Variants in BTN3A2 observed in about 807,000 individuals in gnomAD.
BTN3A2 encodes the protein butyrophilin subfamily 3 member A2.
Under a neutral mutation model 37.6 loss-of-function variants are expected in BTN3A2, and 25 were observed. The ratio of observed to expected loss-of-function variants is 0.66; its 90% CI spans 0.48 to 0.93. BTN3A2 has a LOEUF of 0.93. Ranked by LOEUF, BTN3A2 falls within the 40% of genes least tolerant of loss-of-function variation. The probability of loss-of-function intolerance (pLI) is 0.00; values close to 1 mark genes in which losing one functional copy is unlikely to be tolerated. For synonymous variants in BTN3A2, 122 were observed against 159.4 expected, an observed-to-expected ratio of 0.77 and a Z score of 1.77; for missense variants, 266 against 410.9, an observed-to-expected ratio of 0.65 and a Z score of 3.05.
chr6:26,369,628 G>A (rs1303434468), intron 4 of BTN3A2, among the ~76,000 whole-genome samples: 3 of 152,186 alleles, frequency 2.0e-5, no homozygotes, highest in Non-Finnish European at 4.4e-5. Context: ...TGTAATTGAT[G>A]AAGGGGCAGC....
At position 26,373,115 on chromosome 6, in the gene BTN3A2, A is replaced by G. The variant is rs375000542; in HGVS notation, c.916+18A>G. On this transcript the variant is annotated intron_variant, in intron 6 of 10. Coordinates refer to ENST00000377708, the MANE Select transcript of BTN3A2 (RefSeq NM_007047.5). The stretch of plus-strand genomic sequence containing the variant: ...CCTAAGAGGTATCCAACGCAAGCAG[A>G]GAATCTAAGCTCTTGGCTTGCATGC... The G allele has an allele frequency of 4.3e-6, 7 of 1,612,348 alleles. No homozygotes were observed. The highest frequency in any genetic ancestry group is 5.9e-6 in the Non-Finnish European group (7 of 1,179,970).
Position 26,373,419 on chromosome 6 carries a change from T to G in BTN3A2, c.964+6T>G. On this transcript the variant is annotated splice_donor_region_variant and intron_variant, in intron 8 of 10. Transcript: ENST00000377708. ...AAAAATCCAGTACTTGACTCGTGAG[T>G]GGCTTTGACATTTTCTCTGAATTCA... The G allele has an allele frequency of 6.2e-7, 1 of 1,600,016 alleles. No individual in the cohort carries two copies. Among genetic ancestry groups the G allele is most frequent in the Non-Finnish European group, 8.5e-7 (1 of 1,176,308 alleles).
At chr6:26,373,142 C>T (rs1760290937) in intron 6 of BTN3A2, 45 bp downstream of exon 6, 2 of 1,609,198 alleles carry the variant, frequency 1.2e-6, no homozygotes, top group African/African-American at 1.3e-5. Flanking sequence ...CTTGCATGCC[C>T]CAGCCTGAAA....
At position 26,374,401 on chromosome 6, in the gene BTN3A2, A is replaced by G. The variant is rs372501672; in HGVS notation, c.*6+28A>G. 7 of 1,605,014 alleles carry G rather than the reference A, an allele frequency of 4.4e-6. No individual in the cohort carries two copies. The African/African-American group carries it at 9.4e-5, about 21-fold the overall frequency. ...AAGTTTGCTGGGTCACATGCCCTGA[A>G]TATTTCAACTTTTTCTCCACTGTGA... On this transcript the variant is annotated intron_variant, in intron 9 of 10. Transcript: ENST00000377708.
intron 5 of BTN3A2, among the ~76,000 whole-genome samples, chr6:26,371,700 A>G (rs145400432): frequency 0.032 from 4,855 of 151,208 alleles, 78 homozygotes; most frequent in South Asian, 0.044. Flanking sequence ...TTTTTTTTAG[A>G]CAAAGTCTCA....
intron 5 of BTN3A2, 136 bp from the exon 6 acceptor site, chr6:26,372,761 G>T (rs1348696821): frequency 2.4e-5 from 25 of 1,021,358 alleles, no homozygotes; most frequent in Non-Finnish European, 3.5e-5. Flanking sequence ...GAGACTTTAG[G>T]GAGAGAATCC....
At chr6:26,375,673 C>T in intron 10 of BTN3A2, 124 bp from the exon 11 acceptor site, 2 of 1,517,484 alleles carry the variant, frequency 1.3e-6, no homozygotes, top group East Asian at 2.5e-5. Flanking sequence ...GAGCCCAGCA[C>T]AGAGACGGCC....
At chr6:26,365,392 A>T in intron 1 of BTN3A2, 40 bp downstream of exon 1, 1 of 1,534,380 alleles carries the variant, frequency 6.5e-7, no homozygotes, top group Non-Finnish European at 8.7e-7. Context: ...GCTACAACGC[A>T]TGGGAGGAGC....
chr6:26,366,989 G>A (rs527793332), intron 1 of BTN3A2, among the ~76,000 whole-genome samples: 1 of 152,304 alleles, frequency 6.6e-6, no homozygotes, highest in South Asian at 2.1e-4. Flanking sequence ...AAAGGCCAAA[G>A]CGTCCTTTCA....
intron 9 of BTN3A2, 63 bp downstream of exon 9, chr6:26,374,436 G>T: frequency 6.8e-7 from 1 of 1,471,960 alleles, no homozygotes; most frequent in Non-Finnish European, 9.5e-7. Context: ...ACCCGTGGAT[G>T]TTCTCAGCTG....
Position 26,376,821 on chromosome 6 carries a change from G to C in BTN3A2, c.*1059G>C. ...GAACGTGGAGAGGAAAAAAGTTTGG[G>C]TCAAAATGACACCGGAGAACGGATA... On this transcript the variant is annotated 3_prime_UTR_variant, in exon 11 of 11. Coordinates refer to ENST00000377708, the MANE Select transcript of BTN3A2 (RefSeq NM_007047.5). The C allele has an allele frequency of 6.2e-7, 1 of 1,613,988 alleles. No individual in the cohort carries two copies. The highest frequency in any genetic ancestry group is 1.1e-5 in the South Asian group (1 of 91,072).
chr6:26,365,414 G>C (rs1173368971), intron 1 of BTN3A2, 62 bp downstream of exon 1: 1 of 1,523,184 alleles, frequency 6.6e-7, no homozygotes, highest in African/African-American at 1.4e-5. Flanking sequence ...GGGCTGAATC[G>C]CTGAGAGTGG....
In BTN3A2 at chr6:26,370,252, A is replaced by G. The variant is rs1278289646; in HGVS notation, c.434-70A>G. On this transcript the variant is annotated intron_variant, in intron 4 of 10. Coordinates refer to ENST00000377708, the MANE Select transcript of BTN3A2 (RefSeq NM_007047.5). The stretch of plus-strand genomic sequence containing the variant: ...TTGAATTATCAAATCTGAGCCTGAC[A>G]TTGATTCCCATTGAGACCCTCCCTA... 4.6e-6 allele frequency: 7 copies of G among 1,522,056 alleles called. No homozygotes were observed. In the African/African-American group the frequency reaches 6.9e-5, roughly 15 times the overall value. The allele number at this position is 1,522,056 out of a possible 1,614,324, so 94.3% of individuals were successfully genotyped here. A position where few individuals can be genotyped will look rare whatever the true frequency, so the allele number is the denominator to read the frequency against.
chr6:26,370,312 C>A lies in BTN3A2; in HGVS notation c.434-10C>A. 6.2e-7 allele frequency: 1 copy of A among 1,612,738 alleles called. No homozygotes were observed. Among genetic ancestry groups the A allele is most frequent in the Non-Finnish European group, 8.5e-7 (1 of 1,178,816 alleles). ...CTATCCAGAATTTAGGCCAAATTAT[C>A]CTTCCACAGCACTGGGTTCTAATCT... On this transcript the variant is annotated splice_polypyrimidine_tract_variant and intron_variant, in intron 4 of 10. Transcript: ENST00000377708.
Position 26,374,790 on chromosome 6 carries a change from T to C in BTN3A2, c.*26T>C. On this transcript the variant is annotated 3_prime_UTR_variant, in exon 10 of 11. Transcript: ENST00000377708. ...TTTCAGAATGGAAAAATGGCCCTCT[T>C]CAAGCCTGGTGAGTAAATCACTGCA... 6.5e-7 allele frequency: 1 copy of C among 1,528,460 alleles called. No individual in the cohort carries two copies. The highest frequency in any genetic ancestry group is 9.1e-7 in the Non-Finnish European group (1 of 1,104,294). 94.7% of individuals were successfully genotyped at this position (1,528,460 alleles called of 1,614,324 possible). A position where few individuals can be genotyped will look rare whatever the true frequency, so the allele number is the denominator to read the frequency against.
chr6:26,367,605 A>G (rs9393710), intron 1 of BTN3A2, among the ~76,000 whole-genome samples: 11,691 of 152,260 alleles, frequency 0.077, 562 homozygotes, highest in Non-Finnish European at 0.11. Flanking sequence ...GAAAGAAAAG[A>G]TGAGTAAAGC....
Position 26,372,929 on chromosome 6 carries a change from G to A in BTN3A2, c.748G>A (p.Ala250Thr), listed in dbSNP as rs568843545. The A allele has an allele frequency of 5.0e-6, 8 of 1,613,990 alleles. No individual in the cohort carries two copies. Among genetic ancestry groups the A allele is most frequent in the African/African-American group, 1.3e-5 (1 of 75,064 alleles). Reference sequence around the variant, plus strand: ...CTTCAGGAGCGCCCAGCCCTGGATCGCAGCCCTGGCAGGGACCCTGCCTAT... The same window carrying A: ...CTTCAGGAGCGCCCAGCCCTGGATCACAGCCCTGGCAGGGACCCTGCCTAT... ...PFFRSAQPWI[A>T]ALAGTLPILL... Residue 250 changes from alanine to threonine, a missense_variant, in exon 6 of 11, where the codon GCA (alanine) becomes ACA (threonine). Coordinates refer to ENST00000377708, the MANE Select transcript of BTN3A2 (RefSeq NM_007047.5).
rs1333476599 is a variant in BTN3A2 at position 26,377,490 on chromosome 6, C to T, written c.*1728C>T. The T allele has an allele frequency of 1.6e-5, 6 of 365,664 alleles. No individual in the cohort carries two copies. Among genetic ancestry groups the T allele is most frequent in the South Asian group, 2.5e-5 (1 of 40,640 alleles). 22.7% of individuals were successfully genotyped at this position (365,664 alleles called of 1,614,324 possible). ...ACTAACATTAATGGAGAATTTAAAA[C>T]GTTCTGAGTGCTGTGTTATGAGCTT... is the stretch of plus-strand genomic sequence containing the variant. On this transcript the variant is annotated 3_prime_UTR_variant, in exon 11 of 11. Transcript: ENST00000377708.
intron 4 of BTN3A2, 68 bp from the exon 5 acceptor site, chr6:26,370,254 T>C (rs60049578): frequency 0.035 from 53,366 of 1,525,210 alleles, 1,054 homozygotes; most frequent in Middle Eastern, 0.052. Flanking sequence ...AGCCTGACAT[T>C]GATTCCCATT....
Sources: allele counts gnomAD v4.1 joint callset (sites outside exome capture counted in the v4.1 genomes callset), GRCh38; gene constraint gnomAD v4.1.1; transcripts MANE v1.5; gene names NCBI Gene and HGNC (gene_info 2026-07-23, HGNC 2026-07-21).